EDIL3: variants seen among roughly 807,000 people sequenced by gnomAD.
The protein encoded by EDIL3 is EGF like and discoidin domains 3, also known as EGF-like repeat and discoidin I-like domain-containing protein 3.
Under a neutral mutation model 67.4 loss-of-function variants are expected in EDIL3, and 37 were observed. The ratio of observed to expected loss-of-function variants is 0.55; its 90% CI spans 0.42 to 0.72. EDIL3 has a LOEUF of 0.72. Among genes scored for constraint, EDIL3 ranks in the 30% least tolerant of loss-of-function variants. The pLI is 0.00. For missense variants in EDIL3, 527 were observed against 586.3 expected, an observed-to-expected ratio of 0.90 and a Z score of 1.04; for synonymous variants, 195 against 196.3, an observed-to-expected ratio of 0.99 and a Z score of 0.05.
intron 9 of EDIL3, among the ~76,000 whole-genome samples, chr5:83,991,784 C>T (rs764687003): frequency 9.9e-5 from 15 of 152,078 alleles, no homozygotes; most frequent in African/African-American, 2.2e-4. Context: ...AGGCCGACCG[C>T]GGAATTTCCT....
intron 1 of EDIL3, among the ~76,000 whole-genome samples, chr5:84,339,510 T>C (rs750029615): frequency 2.6e-5 from 4 of 152,172 alleles, no homozygotes; most frequent in Non-Finnish European, 5.9e-5. Context: ...TGCATTGGCT[T>C]AACTCTTAAG....
chr5:84,081,872 TGG>T (rs372641855), intron 6 of EDIL3, among the ~76,000 whole-genome samples: 45,921 of 152,058 alleles, frequency 0.3, 7,176 homozygotes, highest in African/African-American at 0.38. Flanking sequence ...CCAGGCATGA[TGG>T]ACAAGAATCT....
At chr5:84,119,082 T>A (rs563832989) in intron 5 of EDIL3, among the ~76,000 whole-genome samples, 4 of 152,242 alleles carry the variant, frequency 2.6e-5, no homozygotes, top group African/African-American at 2.4e-5. Flanking sequence ...TACATTGTTG[T>A]TGTTTTACCA....
intron 9 of EDIL3, among the ~76,000 whole-genome samples, chr5:84,050,668 C>G (rs948128495): frequency 6.6e-6 from 1 of 152,214 alleles, no homozygotes; most frequent in African/African-American, 2.4e-5. Flanking sequence ...GAGATTATAT[C>G]CTGCGCCTGG....
chr5:84,205,862 A>T (rs1422346252), intron 3 of EDIL3, among the ~76,000 whole-genome samples: 15 of 150,220 alleles, frequency 1.0e-4, no homozygotes, highest in African/African-American at 3.4e-4. Flanking sequence ...TCAAAAAACC[A>T]GCTCCTGGAT....
rs56161304 is a variant in EDIL3 at position 84,006,343 on chromosome 5, T to TAAAACAAAACAAAACAAAAC, written c.1138-43003_1138-42984dup. 9.5e-5 allele frequency among the ~76,000 whole-genome samples: 14 copies of TAAAACAAAACAAAACAAAAC among 147,740 alleles called. No individual in the cohort carries two copies. In the East Asian group the frequency reaches 1.4e-3, roughly 15 times the overall value. ...ACAGAATTAGAACACTATGCAGCCATAAAACAAAACAAAACAAAACAAAAC... is the reference window on the plus strand; with the variant it reads ...ACAGAATTAGAACACTATGCAGCCATAAAACAAAACAAAACAAAACAAAACAAAACAAAACAAAACAAAAC... On this transcript the variant is annotated intron_variant, in intron 9 of 10. Coordinates refer to ENST00000296591, the MANE Select transcript of EDIL3 (RefSeq NM_005711.5).
chr5:84,115,619 G>A (rs537515333), intron 5 of EDIL3, among the ~76,000 whole-genome samples: 1 of 152,302 alleles, frequency 6.6e-6, no homozygotes, highest in South Asian at 2.1e-4. Context: ...TAGGACAACA[G>A]AAGAGTTCAT....
intron 3 of EDIL3, among the ~76,000 whole-genome samples, chr5:84,218,508 A>T (rs1244673433): frequency 6.6e-6 from 1 of 152,224 alleles, no homozygotes; most frequent in East Asian, 1.9e-4. Flanking sequence ...AGAACACCAG[A>T]CCGAACAACT....
At chr5:84,152,349 T>A (rs1748410933) in intron 4 of EDIL3, among the ~76,000 whole-genome samples, 1 of 152,230 alleles carries the variant, frequency 6.6e-6, no homozygotes, top group Non-Finnish European at 1.5e-5. Context: ...ACATACTGCA[T>A]AATTTTACAT....
chr5:84,271,635 T>C (rs1046581509), intron 1 of EDIL3, among the ~76,000 whole-genome samples: 12 of 152,116 alleles, frequency 7.9e-5, no homozygotes, highest in African/African-American at 2.9e-4. Flanking sequence ...AGAAAATCTA[T>C]TTTATGTTCA....
intron 9 of EDIL3, among the ~76,000 whole-genome samples, chr5:84,056,541 T>G (rs1006252288): frequency 6.6e-6 from 1 of 152,120 alleles, no homozygotes; most frequent in Non-Finnish European, 1.5e-5. Context: ...CATAAGAATT[T>G]CTTAAACTAT....
intron 9 of EDIL3, among the ~76,000 whole-genome samples, chr5:83,967,943 T>A (rs1360356495): frequency 6.6e-6 from 1 of 152,142 alleles, no homozygotes; most frequent in Non-Finnish European, 1.5e-5. Flanking sequence ...TTTTATGACT[T>A]CATAGAGTTT....
intron 8 of EDIL3, among the ~76,000 whole-genome samples, chr5:84,061,052 G>A (rs1467337133): frequency 6.6e-6 from 1 of 152,028 alleles, no homozygotes; most frequent in Non-Finnish European, 1.5e-5. Context: ...GGCTTCTTCT[G>A]TAAGAGAGGA....
chr5:84,105,875 T>C (rs923418176), intron 6 of EDIL3, among the ~76,000 whole-genome samples: 2 of 152,058 alleles, frequency 1.3e-5, no homozygotes, highest in African/African-American at 2.4e-5. Flanking sequence ...TTTCTCAAGA[T>C]AATTAATGAA....
intron 9 of EDIL3, among the ~76,000 whole-genome samples, chr5:84,044,050 C>T (rs1746177949): frequency 6.6e-6 from 1 of 152,022 alleles, no homozygotes. Context: ...TAATGCTATC[C>T]CTCTCCTTGA....
chr5:84,148,986 A>C (rs1349197789), intron 4 of EDIL3, among the ~76,000 whole-genome samples: 8 of 151,848 alleles, frequency 5.3e-5, no homozygotes, highest in Admixed American at 5.3e-4. Context: ...AAAAAAAAAA[A>C]AAAAACCTCA....
chr5:84,053,328 T>C (rs542271763), intron 9 of EDIL3, among the ~76,000 whole-genome samples: 10 of 152,330 alleles, frequency 6.6e-5, no homozygotes, highest in African/African-American at 2.2e-4. Context: ...GGGAAATTTA[T>C]AGCACTAAAT....
At position 84,238,712 on chromosome 5, in the gene EDIL3, A is replaced by C. The variant is rs371384691; in HGVS notation, c.197-8828T>G. ...AATCATTAGGACCTTCTTGAAAGGA[A>C]AATAGTGTATCCACATTTGGGTGTT... On this transcript the variant is annotated intron_variant, in intron 2 of 10. Coordinates refer to ENST00000296591, the MANE Select transcript of EDIL3 (RefSeq NM_005711.5). Among the ~76,000 whole-genome samples the C allele has an allele frequency of 4.3e-4, 59 of 138,388 alleles. No homozygotes were observed. The South Asian group carries it at 0.012, about 27-fold the overall frequency. The allele number at this position is 138,388 out of a possible 152,430, so 90.8% of individuals were successfully genotyped here.
chr5:84,259,596 A>G (rs565031972), intron 1 of EDIL3, among the ~76,000 whole-genome samples: 35 of 152,314 alleles, frequency 2.3e-4, no homozygotes, highest in African/African-American at 8.4e-4. Context: ...GCAAGAAATC[A>G]TTGCAGGCTA....
Sources: allele counts gnomAD v4.1 joint callset (sites outside exome capture counted in the v4.1 genomes callset), GRCh38; gene constraint gnomAD v4.1.1; transcripts MANE v1.5; gene names NCBI Gene and HGNC (gene_info 2026-07-23, HGNC 2026-07-21).